Variants in EIF3D observed in about 807,000 individuals in gnomAD.
EIF3D encodes eIF3 p66.
EIF3D carries 10 observed loss-of-function variants against 75.4 expected under a neutral mutation model. That is an observed-to-expected ratio of 0.13 (90% confidence interval 0.08 to 0.22). EIF3D has a LOEUF of 0.22. Ranked by LOEUF, EIF3D falls within the 10% of genes least tolerant of loss-of-function variation. The pLI, the probability that EIF3D is intolerant of heterozygous loss-of-function variation, is 1.00. For synonymous variants in EIF3D, 246 were observed against 248.3 expected (o/e 0.99, Z 0.09); for missense variants, 394 against 708.0 (o/e 0.56, Z 5.03).
intron 12 of EIF3D, among the ~76,000 whole-genome samples, chr22:36,514,322 C>A (rs1934389241): frequency 6.6e-6 from 1 of 151,214 alleles, no homozygotes; most frequent in African/African-American, 2.4e-5. Flanking sequence ...TCTAAGATGA[C>A]CCCCAGTGAC....
rs552829839 is a variant in EIF3D at position 36,520,439 on chromosome 22, T to C, written c.578+137A>G. The C allele has an allele frequency of 4.5e-3, 2,674 of 591,646 alleles. 8 individuals carry two copies. The highest frequency in any genetic ancestry group is 6.6e-3 in the Non-Finnish European group (2,304 of 348,154). 36.6% of individuals were successfully genotyped at this position (591,646 alleles called of 1,614,324 possible). A position where few individuals can be genotyped will look rare whatever the true frequency, so the allele number is the denominator to read the frequency against. On this transcript the variant is annotated intron_variant, in intron 7 of 14. Coordinates refer to ENST00000216190, the MANE Select transcript of EIF3D (RefSeq NM_003753.4). ...GGTCTTGATTTTTTTCAAATACCTC[T>C]GTTAACCTTATGAAATGTGTTTTGA...
At chr22:36,522,886 C>T (rs1386094970) in intron 6 of EIF3D, among the ~76,000 whole-genome samples, 3 of 152,170 alleles carry the variant, frequency 2.0e-5, no homozygotes, top group Non-Finnish European at 4.4e-5. Flanking sequence ...AGCATGAGGC[C>T]CTCACCAGAT....
chr22:36,529,041 G>A (rs1934657080), intron 1 of EIF3D, 35 bp downstream of exon 1: 1 of 376,260 alleles, frequency 2.7e-6, no homozygotes, highest in Non-Finnish European at 4.7e-6. Context: ...ACCGGCTCCG[G>A]AGGGCCGCAG....
chr22:36,523,183 G>T (rs763602503), intron 6 of EIF3D, 26 bp downstream of exon 6: 2 of 1,593,718 alleles, frequency 1.3e-6, no homozygotes, highest in Admixed American at 1.7e-5. Flanking sequence ...AAATTCCAAG[G>T]CAGAATTCTG....
chr22:36,516,093 G>A (rs1934422057), intron 12 of EIF3D: 1 of 171,212 alleles, frequency 5.8e-6, no homozygotes, highest in African/African-American at 2.4e-5. Flanking sequence ...TCAAAAAGAA[G>A]AGCGGCCAGA....
intron 4 of EIF3D, among the ~76,000 whole-genome samples, chr22:36,524,212 T>C (rs2145877648): frequency 6.6e-6 from 1 of 152,326 alleles, no homozygotes; most frequent in South Asian, 2.1e-4. Context: ...GTATGTTTAC[T>C]GGGTCTCATT....
At chr22:36,523,088 A>C in intron 6 of EIF3D, 121 bp downstream of exon 6, 1 of 852,580 alleles carries the variant, frequency 1.2e-6, no homozygotes, top group Non-Finnish European at 2.0e-6. Context: ...GAACTCTTCA[A>C]ATATATTAAA....
At chr22:36,523,799 G>A in intron 5 of EIF3D, 96 bp downstream of exon 5, 1 of 1,149,942 alleles carries the variant, frequency 8.7e-7, no homozygotes, top group Non-Finnish European at 1.3e-6. Context: ...TTTTGCAGTG[G>A]TGGGGAATAC....
At chr22:36,527,975 T>C (rs1259016768) in intron 1 of EIF3D, among the ~76,000 whole-genome samples, 4 of 152,208 alleles carry the variant, frequency 2.6e-5, no homozygotes, top group Non-Finnish European at 4.4e-5. Context: ...GTTTCATCTT[T>C]CTAATAGAAA....
chr22:36,524,457 G>T, intron 4 of EIF3D, 139 bp downstream of exon 4: 1 of 1,230,514 alleles, frequency 8.1e-7, no homozygotes, highest in Non-Finnish European at 1.1e-6. Flanking sequence ...CACTTGTTAT[G>T]GAACGGTGAC....
Position 36,526,093 on chromosome 22 carries a change from T to C in EIF3D, c.29A>G (p.Gln10Arg). The C allele has an allele frequency of 6.2e-7, 1 of 1,611,776 alleles. No individual in the cohort carries two copies. The change falls in exon 2 of 15, where the codon CAG becomes CGG. Residue 10 changes from glutamine to arginine, a missense_variant. Gln to Arg is a conservative substitution (Grantham distance 43). Transcript: ENST00000216190. ...GGGACCCCAGCCTGAGGGGTTGTCC[T>C]GGATCACGGGTGTCATGAACTTTGC... MAKFMTPVI[Q>R]DNPSGWGPCA...
At chr22:36,526,192 C>G (rs1934596185) in intron 1 of EIF3D, 61 bp from the exon 2 acceptor site, 1 of 1,477,052 alleles carries the variant, frequency 6.8e-7, no homozygotes, top group East Asian at 2.4e-5. Flanking sequence ...ACAAAACACC[C>G]TCCATATGAA....
Position 36,512,450 on chromosome 22 carries a change from G to A in EIF3D, c.1349+10C>T, listed in dbSNP as rs1266573895. On this transcript the variant is annotated intron_variant, in intron 13 of 14. Transcript: ENST00000216190. ...AAGATCAGCTGCCAGCTCCTGCACAGGAATCTCACCCAAGCTTGAGGTACT... is the reference window on the plus strand; with the variant it reads ...AAGATCAGCTGCCAGCTCCTGCACAAGAATCTCACCCAAGCTTGAGGTACT... 4 of 1,613,956 alleles carry A rather than the reference G, an allele frequency of 2.5e-6. 1 individual carries two copies. The Admixed American group carries it at 6.7e-5, about 27-fold the overall frequency.
chr22:36,511,896 T>TTC (rs1207345735), intron 13 of EIF3D, 110 bp from the exon 14 acceptor site: 162 of 1,266,610 alleles, frequency 1.3e-4, no homozygotes, highest in Middle Eastern at 6.1e-4. Context: ...TATTTTTTCT[T>TTC]TTTTTTTTTT....
At position 36,525,063 on chromosome 22, in the gene EIF3D, A is replaced by G. The variant is rs545319625; in HGVS notation, c.170-331T>C. 6.8e-4 allele frequency among the ~76,000 whole-genome samples: 103 copies of G among 152,202 alleles called. 1 individual carries two copies. The South Asian group carries it at 0.012, about 18-fold the overall frequency. ...TCTGAGGTATTTATTGCTAACCACCATCTCCATTATCAGGGGCCCATGGCA... is the reference window on the plus strand; with the variant it reads ...TCTGAGGTATTTATTGCTAACCACCGTCTCCATTATCAGGGGCCCATGGCA... On this transcript the variant is annotated intron_variant, in intron 3 of 14. Coordinates refer to ENST00000216190, the MANE Select transcript of EIF3D (RefSeq NM_003753.4).
At chr22:36,511,408 G>A in intron 14 of EIF3D, 95 bp downstream of exon 14, 1 of 1,546,884 alleles carries the variant, frequency 6.5e-7, no homozygotes, top group Non-Finnish European at 8.7e-7. Flanking sequence ...AATTCTCGAA[G>A]TTTTATCAAG....
At position 36,518,756 on chromosome 22, in the gene EIF3D, T is replaced by A; in HGVS notation, c.859+7A>T. On this transcript the variant is annotated splice_region_variant and intron_variant, in intron 9 of 14. Transcript: ENST00000216190. ...CCTTTGAGTTGCTCCCCAGGCACGC[T>A]TCTTACCAAAGTCAGAGTTGTCTCT... is the stretch of plus-strand genomic sequence containing the variant. The A allele has an allele frequency of 1.2e-6, 2 of 1,614,032 alleles. No individual in the cohort carries two copies. Among genetic ancestry groups the A allele is most frequent in the Non-Finnish European group, 1.7e-6 (2 of 1,180,030 alleles).
At position 36,510,914 on chromosome 22, in the gene EIF3D, C is replaced by G; in HGVS notation, c.*73G>C. The G allele has an allele frequency of 3.3e-6, 5 of 1,509,998 alleles. No individual in the cohort carries two copies. The highest frequency in any genetic ancestry group is 4.5e-6 in the Non-Finnish European group (5 of 1,122,862). The allele number at this position is 1,509,998 out of a possible 1,614,324, so 93.5% of individuals were successfully genotyped here. A position where few individuals can be genotyped will look rare whatever the true frequency, so the allele number is the denominator to read the frequency against. On this transcript the variant is annotated 3_prime_UTR_variant, in exon 15 of 15. Coordinates refer to ENST00000216190, the MANE Select transcript of EIF3D (RefSeq NM_003753.4). Reference sequence around the variant, plus strand: ...GCTAAATGTCAGAGAGCAAGTTAGACACACATTCCACTAAGCATCAAAGGC... The same window carrying G: ...GCTAAATGTCAGAGAGCAAGTTAGAGACACATTCCACTAAGCATCAAAGGC...
At chr22:36,526,929 T>C (rs942366824) in intron 1 of EIF3D, 1 of 152,244 alleles carries the variant, frequency 6.6e-6, no homozygotes, top group African/African-American at 2.4e-5. Flanking sequence ...AAGATCCTTG[T>C]TCTAAGCACT....
Sources: allele counts gnomAD v4.1 joint callset (sites outside exome capture counted in the v4.1 genomes callset), GRCh38; gene constraint gnomAD v4.1.1; transcripts MANE v1.5; gene names NCBI Gene and HGNC (gene_info 2026-07-23, HGNC 2026-07-21).